Variants in AGBL4 observed in about 807,000 individuals in gnomAD.
The protein encoded by AGBL4 is cytosolic carboxypeptidase 6.
Under a neutral mutation model 66.4 loss-of-function variants are expected in AGBL4, and 58 were observed. The ratio of observed to expected loss-of-function variants is 0.87; its 90% CI spans 0.71 to 1.09. AGBL4 has a LOEUF of 1.09. Ranked by LOEUF, AGBL4 falls within the 50% of genes least tolerant of loss-of-function variation. The pLI is 0.00. For missense variants in AGBL4, 579 were observed against 631.0 expected (o/e 0.92, Z 0.88); for synonymous variants, 234 against 222.9 (o/e 1.05, Z -0.44).
chr1:49,923,057 G>A (rs1457295717), intron 1 of AGBL4, among the ~76,000 whole-genome samples: 1 of 152,122 alleles, frequency 6.6e-6, no homozygotes, highest in Non-Finnish European at 1.5e-5. Flanking sequence ...CACGCTACTC[G>A]ACTTCAAACA....
At chr1:48,866,868 A>G (rs766687779) in intron 6 of AGBL4, among the ~76,000 whole-genome samples, 1 of 152,102 alleles carries the variant, frequency 6.6e-6, no homozygotes, top group Non-Finnish European at 1.5e-5. Flanking sequence ...TCTAAAACTT[A>G]TTTCTCAGGG....
chr1:49,447,129 A>C (rs1306791618), intron 3 of AGBL4, among the ~76,000 whole-genome samples: 1 of 152,142 alleles, frequency 6.6e-6, no homozygotes, highest in African/African-American at 2.4e-5. Flanking sequence ...GAGCCTGAGC[A>C]CAGAAGCCAC....
At chr1:49,236,893 T>A (rs4926800) in intron 4 of AGBL4, among the ~76,000 whole-genome samples, 2 of 151,952 alleles carry the variant, frequency 1.3e-5, no homozygotes, top group South Asian at 2.1e-4. Flanking sequence ...GAAACCTCGG[T>A]GGGGAGGTAA....
intron 3 of AGBL4, among the ~76,000 whole-genome samples, chr1:49,433,471 G>A (rs1446682929): frequency 6.6e-6 from 1 of 152,170 alleles, no homozygotes; most frequent in African/African-American, 2.4e-5. Context: ...TTTGGTCACA[G>A]AAGTGTTCTG....
At chr1:50,018,154 G>T (rs780579135) in intron 1 of AGBL4, among the ~76,000 whole-genome samples, 5 of 152,040 alleles carry the variant, frequency 3.3e-5, no homozygotes, top group Non-Finnish European at 7.4e-5. Context: ...TAAAATTTTA[G>T]AAGTCTTTTT....
intron 3 of AGBL4, among the ~76,000 whole-genome samples, chr1:49,624,915 G>A (rs943987531): frequency 3.1e-4 from 47 of 152,240 alleles, no homozygotes; most frequent in African/African-American, 1.1e-3. Context: ...CTTCAGTCAT[G>A]ACATAGCAGA....
intron 3 of AGBL4, among the ~76,000 whole-genome samples, chr1:49,339,136 G>A (rs1645490666): frequency 6.6e-6 from 1 of 152,090 alleles, no homozygotes; most frequent in African/African-American, 2.4e-5. Flanking sequence ...AAGGAAGAGT[G>A]CATTGTTACT....
chr1:49,135,406 C>A (rs1362972668), intron 4 of AGBL4, among the ~76,000 whole-genome samples: 1 of 151,992 alleles, frequency 6.6e-6, no homozygotes, highest in Non-Finnish European at 1.5e-5. Context: ...GTCTGGGAGA[C>A]CCTGACCCAG....
At chr1:49,282,792 C>A (rs570927912) in intron 3 of AGBL4, among the ~76,000 whole-genome samples, 1 of 152,156 alleles carries the variant, frequency 6.6e-6, no homozygotes, top group Non-Finnish European at 1.5e-5. Flanking sequence ...CACTCCCACC[C>A]GAATATTGCG....
At chr1:49,600,108 C>A (rs1644926353) in intron 3 of AGBL4, among the ~76,000 whole-genome samples, 1 of 152,146 alleles carries the variant, frequency 6.6e-6, no homozygotes, top group Non-Finnish European at 1.5e-5. Context: ...TTGGAGAGTT[C>A]TGCAGATGTC....
At chr1:49,298,925 T>C (rs1357004969) in intron 3 of AGBL4, among the ~76,000 whole-genome samples, 2 of 152,188 alleles carry the variant, frequency 1.3e-5, no homozygotes, top group Non-Finnish European at 2.9e-5. Context: ...CTGACTTCTC[T>C]ACTGAACTGA....
chr1:48,654,896 G>A (rs1263028943), intron 7 of AGBL4, among the ~76,000 whole-genome samples: 2 of 152,244 alleles, frequency 1.3e-5, no homozygotes, highest in Non-Finnish European at 2.9e-5. Context: ...TAAAGCTGCA[G>A]TTTGCCAGTA....
At chr1:49,194,738 T>A (rs189350389) in intron 4 of AGBL4, among the ~76,000 whole-genome samples, 1 of 152,192 alleles carries the variant, frequency 6.6e-6, no homozygotes, top group Non-Finnish European at 1.5e-5. Flanking sequence ...CACAGTTTAC[T>A]TTTTTGTGGA....
At chr1:49,850,922 C>A (rs1215671075) in intron 2 of AGBL4, among the ~76,000 whole-genome samples, 1 of 152,084 alleles carries the variant, frequency 6.6e-6, no homozygotes, top group Non-Finnish European at 1.5e-5. Flanking sequence ...AGAACACCCA[C>A]AGCATTTGCC....
At chr1:49,662,088 T>C (rs1269896192) in intron 3 of AGBL4, among the ~76,000 whole-genome samples, 3 of 151,588 alleles carry the variant, frequency 2.0e-5, no homozygotes, top group Non-Finnish European at 2.9e-5. Flanking sequence ...TTATTTCTTT[T>C]AAATAAAAAT....
At chr1:48,973,579 A>G (rs983611929) in intron 5 of AGBL4, among the ~76,000 whole-genome samples, 1 of 152,132 alleles carries the variant, frequency 6.6e-6, no homozygotes, top group Non-Finnish European at 1.5e-5. Context: ...AAAAACCCCA[A>G]TTCATCCCTT....
chr1:49,521,434 T>C (rs1214089904), intron 3 of AGBL4, among the ~76,000 whole-genome samples: 1 of 151,902 alleles, frequency 6.6e-6, no homozygotes, highest in Non-Finnish European at 1.5e-5. Flanking sequence ...TGGAACAGAA[T>C]AGAGAATCCA....
At chr1:49,557,048 C>T (rs1385356110) in intron 3 of AGBL4, among the ~76,000 whole-genome samples, 1 of 152,068 alleles carries the variant, frequency 6.6e-6, no homozygotes, top group Admixed American at 6.6e-5. Flanking sequence ...CGCACTGGCC[C>T]GTGATTGCTG....
intron 4 of AGBL4, among the ~76,000 whole-genome samples, chr1:49,082,186 T>A (rs183882830): frequency 1.4e-4 from 21 of 152,288 alleles, no homozygotes; most frequent in Non-Finnish European, 2.5e-4. Context: ...CTGGGGTAGA[T>A]GTGATGTAGG....
Sources: gnomAD v4.1 joint callset for allele counts (sites outside exome capture counted in the v4.1 genomes callset) on GRCh38, gnomAD v4.1.1 for gene constraint, MANE v1.5 for transcripts, NCBI Gene and HGNC (gene_info 2026-07-23, HGNC 2026-07-21) for gene names.